Variants in PCDHGB1 observed in about 807,000 individuals in gnomAD.
PCDHGB1 encodes the protein protocadherin gamma-B1.
PCDHGB1 carries 34 observed loss-of-function variants against 56.6 expected under a neutral mutation model. That is an observed-to-expected ratio of 0.60 (90% CI 0.46 to 0.80). PCDHGB1 has a LOEUF of 0.80. Ranked by LOEUF, PCDHGB1 falls within the 30% of genes least tolerant of loss-of-function variation. PCDHGB1 has a pLI of 0.00. For synonymous variants in PCDHGB1, 561 were observed against 505.9 expected (o/e 1.11, Z -1.46); for missense variants, 1,278 against 1,204.6 (o/e 1.06, Z -0.90).
chr5:141,372,012 C>T, intron 1 of PCDHGB1: 1 of 1,613,320 alleles, frequency 6.2e-7, no homozygotes, highest in South Asian at 1.1e-5. Context: ...CCAGGGCTCG[C>T]CTACGCTCAG....
At chr5:141,415,750 T>TTTG in intron 1 of PCDHGB1, 2 of 1,313,212 alleles carry the variant, frequency 1.5e-6, no homozygotes, top group African/African-American at 1.6e-5. Context: ...GTTTTTTTTT[T>TTTG]TTTTTTTTTT....
intron 1 of PCDHGB1, chr5:141,410,052 T>C: frequency 6.2e-7 from 1 of 1,613,122 alleles, no homozygotes; most frequent in Non-Finnish European, 8.5e-7. Context: ...CCCGGACTCT[T>C]CAGCCTGGGG....
chr5:141,416,791 G>A (rs1389798483), intron 1 of PCDHGB1: 2 of 152,166 alleles, frequency 1.3e-5, no homozygotes, highest in South Asian at 2.1e-4. Context: ...TCTACTAAAT[G>A]TGGTAGTATA....
In PCDHGB1 at chr5:141,350,174, T is replaced by G; in HGVS notation, c.-87T>G. The stretch of plus-strand genomic sequence containing the variant: ...CCTCGAGCGCCTAACTAATAAGTCC[T>G]AAGCTCAAATCACAGAAGTCCAGGG... On this transcript the variant is annotated 5_prime_UTR_variant, in exon 1 of 4. Transcript: ENST00000523390. 2 of 1,283,836 alleles carry G rather than the reference T, an allele frequency of 1.6e-6. No individual in the cohort carries two copies. The highest frequency in any genetic ancestry group is 2.1e-6 in the Non-Finnish European group (2 of 962,058). 79.5% of individuals were successfully genotyped at this position (1,283,836 alleles called of 1,614,324 possible). A position where few individuals can be genotyped will look rare whatever the true frequency, so the allele number is the denominator to read the frequency against.
intron 1 of PCDHGB1, chr5:141,404,714 G>T (rs776337117): frequency 6.2e-7 from 1 of 1,614,068 alleles, no homozygotes; most frequent in Non-Finnish European, 8.5e-7. Context: ...TGGCTACCTG[G>T]TGACCAAGGT....
At chr5:141,367,423 G>T (rs1765125811) in intron 1 of PCDHGB1, 2 of 152,202 alleles carry the variant, frequency 1.3e-5, no homozygotes, top group Non-Finnish European at 2.9e-5. Flanking sequence ...TGTAGTCCCA[G>T]CTACTCGGAA....
chr5:141,478,711 T>A, intron 1 of PCDHGB1: 1 of 1,547,346 alleles, frequency 6.5e-7, no homozygotes, highest in Non-Finnish European at 8.7e-7. Flanking sequence ...CTTTGTGAGA[T>A]GGTGGCCTGC....
chr5:141,353,604 A>C (rs1305841029), intron 1 of PCDHGB1, among the ~76,000 whole-genome samples: 1 of 152,204 alleles, frequency 6.6e-6, no homozygotes, highest in East Asian at 1.9e-4. Context: ...TTTCTTAACC[A>C]TTCCTAAATT....
At chr5:141,446,069 C>T (rs552817495) in intron 1 of PCDHGB1, among the ~76,000 whole-genome samples, 1 of 152,102 alleles carries the variant, frequency 6.6e-6, no homozygotes, top group South Asian at 2.1e-4. Flanking sequence ...AAAGGGGAGG[C>T]AGTGGATGTA....
chr5:141,368,109 C>T (rs1489519335), intron 1 of PCDHGB1, among the ~76,000 whole-genome samples: 2 of 152,118 alleles, frequency 1.3e-5, no homozygotes, highest in Non-Finnish European at 2.9e-5. Context: ...TCAGATGTTT[C>T]TTATTAAAAT....
intron 1 of PCDHGB1, chr5:141,375,076 G>T: frequency 6.2e-7 from 1 of 1,614,010 alleles, no homozygotes; most frequent in Non-Finnish European, 8.5e-7. Flanking sequence ...GAGACAGAGC[G>T]AAAGTCTTAA....
intron 1 of PCDHGB1, among the ~76,000 whole-genome samples, chr5:141,368,348 C>T (rs1406521709): frequency 1.3e-5 from 2 of 151,986 alleles, no homozygotes; most frequent in African/African-American, 4.8e-5. Flanking sequence ...TACATATACA[C>T]ACACATATAT....
rs753655374 is a variant in PCDHGB1 at position 141,351,860 on chromosome 5, G to A, written c.1600G>A (p.Gly534Ser). Reference protein sequence around the residue: ...FELTLQARDQGSPALSANVSL... With the variant: ...FELTLQARDQSSPALSANVSL... ...GCTCACACTGCAGGCCAGGGACCAG[G>A]GCTCCCCCGCGCTCAGCGCCAACGT... Residue 534 changes from glycine (G) to serine (S), a missense_variant, in exon 1 of 4, where the codon GGC becomes AGC. Physicochemically the swap from Gly to Ser is moderately conservative, Grantham distance 56. Coordinates refer to ENST00000523390, the MANE Select transcript of PCDHGB1 (RefSeq NM_018922.3). The A allele has an allele frequency of 6.2e-7, 1 of 1,613,258 alleles. No individual in the cohort carries two copies. Among genetic ancestry groups the A allele is most frequent in the Non-Finnish European group, 8.5e-7 (1 of 1,179,746 alleles).
At position 141,374,819 on chromosome 5, in the gene PCDHGB1, G is replaced by A. The variant is rs1489932950; in HGVS notation, c.2409+22150G>A. On this transcript the variant is annotated intron_variant, in intron 1 of 3. Transcript: ENST00000523390. ...CAACACTCCAATGTTTACTCAGCCT[G>A]TCTACCGTGTAAGTGTTCCTGAAAA... 2 of 1,613,812 alleles carry A rather than the reference G, an allele frequency of 1.2e-6. 1 individual carries two copies. Among genetic ancestry groups the A allele is most frequent in the East Asian group, 4.5e-5 (2 of 44,894 alleles).
At chr5:141,361,308 G>A (rs1442335405) in intron 1 of PCDHGB1, 3 of 1,613,964 alleles carry the variant, frequency 1.9e-6, no homozygotes, top group East Asian at 2.2e-5. Flanking sequence ...GAAATGCCAA[G>A]TTTATTTTGA....
At chr5:141,437,312 G>T (rs2097875410) in intron 1 of PCDHGB1, among the ~76,000 whole-genome samples, 1 of 152,176 alleles carries the variant, frequency 6.6e-6, no homozygotes, top group South Asian at 2.1e-4. Context: ...AAAGCGTTCA[G>T]CTATAATTTA....
intron 1 of PCDHGB1, among the ~76,000 whole-genome samples, chr5:141,444,838 T>G (rs2098448876): frequency 6.6e-6 from 1 of 152,214 alleles, no homozygotes; most frequent in African/African-American, 2.4e-5. Context: ...AGCTTTATAG[T>G]AAGTCTTGCT....
rs1314264090 is a variant in PCDHGB1, at chr5:141,490,459, C to T, written c.2410-4348C>T. 7 of 1,614,100 alleles carry T rather than the reference C, an allele frequency of 4.3e-6. No homozygotes were observed. Among genetic ancestry groups the T allele is most frequent in the Non-Finnish European group, 5.9e-6 (7 of 1,180,040 alleles). ...GCCTTCTGAGAACCACTACTCGCTG[C>T]TAACCAGCCAGCCTTTGGACCGGGA... On this transcript the variant is annotated intron_variant, in intron 1 of 3. Coordinates refer to ENST00000523390, the MANE Select transcript of PCDHGB1 (RefSeq NM_018922.3). The surrounding 1 kb of genome is among the most constrained non-coding windows in gnomAD (Gnocchi z 5.4).
rs1016254258 is a variant in PCDHGB1 at position 141,489,870 on chromosome 5, G to C, written c.2410-4937G>C. ...GTGAAGCCCAGGCAAGACATCAGCT[G>C]GTGCTTACTGCTGTGGATGGGGGGA... On this transcript the variant is annotated intron_variant, in intron 1 of 3. Transcript: ENST00000523390. The surrounding 1 kb of genome is among the most constrained non-coding windows in gnomAD (Gnocchi z 4.5). The C allele has an allele frequency of 2.0e-5, 32 of 1,614,102 alleles. No homozygotes were observed. Among genetic ancestry groups the C allele is most frequent in the African/African-American group, 4.0e-5 (3 of 74,944 alleles).
Sources: gnomAD v4.1 joint callset for allele counts (sites outside exome capture counted in the v4.1 genomes callset) on GRCh38, gnomAD v4.1.1 for gene constraint, Gnocchi (gnomAD v3.1) non-coding constraint, MANE v1.5 for transcripts, NCBI Gene and HGNC (gene_info 2026-07-23, HGNC 2026-07-21) for gene names.